The following NLGN1 variants were observed in gnomAD, a reference collection of about 807,000 sequenced individuals.
The protein encoded by NLGN1 is neuroligin 1.
NLGN1 carries 12 observed loss-of-function variants against 65.5 expected under a neutral mutation model. That is an observed-to-expected ratio of 0.18 (90% confidence interval 0.12 to 0.30). The LOEUF is 0.30. NLGN1 is among the 10% of genes least tolerant of loss of function. The pLI, the probability that NLGN1 is intolerant of heterozygous loss-of-function variation, is 1.00. For missense variants in NLGN1, 750 were observed against 1,007.1 expected (o/e 0.74, Z 3.46); for synonymous variants, 350 against 359.5 (o/e 0.97, Z 0.30).
At chr3:174,102,937 A>C (rs1018527323) in intron 4 of NLGN1, among the ~76,000 whole-genome samples, 5 of 152,178 alleles carry the variant, frequency 3.3e-5, no homozygotes, top group Non-Finnish European at 7.4e-5. Context: ...ACTGGTAATG[A>C]GATTCCGACT....
intron 4 of NLGN1, among the ~76,000 whole-genome samples, chr3:173,892,229 T>G (rs1284001321): frequency 6.6e-6 from 1 of 151,660 alleles, no homozygotes; most frequent in Non-Finnish European, 1.5e-5. Context: ...TGTTAAATCC[T>G]TTGTTCTGCT....
intron 4 of NLGN1, among the ~76,000 whole-genome samples, chr3:174,119,853 A>G (rs1717368963): frequency 6.6e-6 from 1 of 152,198 alleles, no homozygotes; most frequent in African/African-American, 2.4e-5. Context: ...TTTCCCTTAT[A>G]TACTCATGGT....
chr3:174,249,843 T>C (rs1284215413), intron 4 of NLGN1, among the ~76,000 whole-genome samples: 1 of 152,208 alleles, frequency 6.6e-6, no homozygotes, highest in Non-Finnish European at 1.5e-5. Flanking sequence ...CTTTGTATTA[T>C]AAGAAGGAGG....
chr3:173,552,287 G>A (rs114100683), intron 2 of NLGN1, among the ~76,000 whole-genome samples: 3,577 of 152,202 alleles, frequency 0.024, 56 homozygotes, highest in Middle Eastern at 0.048. Context: ...AAGTCATTGT[G>A]GTTTTAATTA....
intron 4 of NLGN1, among the ~76,000 whole-genome samples, chr3:174,082,728 CTTTT>C (rs889097977): frequency 6.6e-6 from 1 of 150,394 alleles, no homozygotes; most frequent in Non-Finnish European, 1.5e-5. Context: ...TCATTTTTTT[CTTTT>C]TTTTTGAAAC....
chr3:173,752,649 T>G (rs1035549617), intron 3 of NLGN1, among the ~76,000 whole-genome samples: 3 of 152,110 alleles, frequency 2.0e-5, no homozygotes, highest in Non-Finnish European at 4.4e-5. Flanking sequence ...TGGAACTTGA[T>G]TGTCTCCTTC....
chr3:173,832,130 A>ACC, intron 4 of NLGN1, among the ~76,000 whole-genome samples: 1 of 148,006 alleles, frequency 6.8e-6, no homozygotes, highest in Non-Finnish European at 1.5e-5. Flanking sequence ...CTAAATTAAA[A>ACC]AAAAAAAAAA....
intron 3 of NLGN1, among the ~76,000 whole-genome samples, chr3:173,741,514 A>T (rs1170714192): frequency 6.6e-6 from 1 of 151,960 alleles, no homozygotes; most frequent in African/African-American, 2.4e-5. Flanking sequence ...TGTTTTTGAG[A>T]CAGAGTCTCA....
chr3:173,664,260 G>A (rs544026889), intron 3 of NLGN1, among the ~76,000 whole-genome samples: 2 of 151,756 alleles, frequency 1.3e-5, no homozygotes, highest in Non-Finnish European at 1.5e-5. Context: ...TCTCCCAATT[G>A]GACCTAAAAT....
intron 4 of NLGN1, among the ~76,000 whole-genome samples, chr3:174,167,127 T>A (rs551082155): frequency 6.6e-6 from 1 of 152,214 alleles, no homozygotes; most frequent in African/African-American, 2.4e-5. Flanking sequence ...AGTCTTGTTA[T>A]TTTATCCAAC....
chr3:173,847,267 C>T (rs1301500296), intron 4 of NLGN1, among the ~76,000 whole-genome samples: 2 of 152,140 alleles, frequency 1.3e-5, no homozygotes, highest in Non-Finnish European at 2.9e-5. Flanking sequence ...TCTAAGATGA[C>T]AACTGATGAA....
At chr3:173,866,441 T>C (rs1730183884) in intron 4 of NLGN1, among the ~76,000 whole-genome samples, 1 of 152,202 alleles carries the variant, frequency 6.6e-6, no homozygotes, top group African/African-American at 2.4e-5. Context: ...TGTATGTCTC[T>C]CTGTAAATGC....
intron 4 of NLGN1, among the ~76,000 whole-genome samples, chr3:173,892,472 G>T (rs1002373636): frequency 1.3e-5 from 2 of 150,824 alleles, no homozygotes; most frequent in Non-Finnish European, 2.9e-5. Flanking sequence ...AGGATCAGTA[G>T]CCCCAGTTTA....
At chr3:173,413,933 AT>A (rs1217928047) in intron 1 of NLGN1, among the ~76,000 whole-genome samples, 2 of 152,164 alleles carry the variant, frequency 1.3e-5, no homozygotes, top group African/African-American at 2.4e-5. Flanking sequence ...AGAAGAGATG[AT>A]GTGAGCTTTG....
At chr3:174,017,084 C>G (rs994929791) in intron 4 of NLGN1, among the ~76,000 whole-genome samples, 1 of 152,258 alleles carries the variant, frequency 6.6e-6, no homozygotes, top group East Asian at 1.9e-4. Context: ...TCAACAGGTA[C>G]TGAAATTTTA....
chr3:173,778,803 A>T (rs755498270), intron 3 of NLGN1, among the ~76,000 whole-genome samples: 7 of 151,788 alleles, frequency 4.6e-5, no homozygotes, highest in Non-Finnish European at 8.9e-5. Context: ...TCAAATATAG[A>T]AACAAATATA....
chr3:173,739,975 G>A (rs1774382283), intron 3 of NLGN1, among the ~76,000 whole-genome samples: 1 of 151,946 alleles, frequency 6.6e-6, no homozygotes, highest in African/African-American at 2.4e-5. Context: ...AACTATATTG[G>A]GGATGAGATC....
intron 4 of NLGN1, among the ~76,000 whole-genome samples, chr3:174,013,832 G>T (rs953107193): frequency 6.6e-6 from 1 of 152,090 alleles, no homozygotes; most frequent in Non-Finnish European, 1.5e-5. Context: ...TCCTACCTCA[G>T]CCTCCCATGG....
At chr3:173,789,209 A>C (rs1416503929) in intron 3 of NLGN1, among the ~76,000 whole-genome samples, 6 of 151,758 alleles carry the variant, frequency 4.0e-5, no homozygotes, top group Non-Finnish European at 8.8e-5. Flanking sequence ...AAAAAAAAAG[A>C]AAGAGAGAGA....
Sources: allele counts gnomAD v4.1 joint callset (sites outside exome capture counted in the v4.1 genomes callset), GRCh38; gene constraint gnomAD v4.1.1; transcripts MANE v1.5; gene names NCBI Gene and HGNC (gene_info 2026-07-23, HGNC 2026-07-21).